S100A13: variants seen among roughly 807,000 people sequenced by gnomAD.
S100A13 encodes the protein S100 calcium binding protein A13, also known as protein S100-A13.
S100A13 carries 6 observed loss-of-function variants against 8.2 expected under a neutral mutation model. That is an observed-to-expected ratio of 0.73 (90% CI 0.40 to 1.44). S100A13 has a LOEUF of 1.44. S100A13 is among the 40% of genes most tolerant of loss of function. S100A13 has a pLI of 0.02. For synonymous variants in S100A13, 39 were observed against 45.9 expected, an observed-to-expected ratio of 0.85 and a Z score of 0.61; for missense variants, 114 against 113.6, an observed-to-expected ratio of 1.00 and a Z score of -0.02.
chr1:153,624,260 CTT>C (rs1667456544), intron 2 of S100A13, among the ~76,000 whole-genome samples: 1 of 152,096 alleles, frequency 6.6e-6, no homozygotes, highest in Non-Finnish European at 1.5e-5. Flanking sequence ...GAAGACAAAT[CTT>C]TTTGGAAATG....
chr1:153,630,416 G>A, upstream of S100A13: 1 of 1,465,680 alleles, frequency 6.8e-7, no homozygotes, highest in Non-Finnish European at 9.2e-7. Context: ...TATTTGAGCT[G>A]TCAGCCAGGG....
At chr1:153,621,204 T>C (rs1178092673) in intron 2 of S100A13, among the ~76,000 whole-genome samples, 1 of 150,940 alleles carries the variant, frequency 6.6e-6, no homozygotes, top group Non-Finnish European at 1.5e-5. Flanking sequence ...TCGCCCAGGC[T>C]GGCGTGCAGT....
intron 2 of S100A13, among the ~76,000 whole-genome samples, chr1:153,625,938 C>T (rs1434289661): frequency 6.6e-6 from 1 of 152,200 alleles, no homozygotes; most frequent in African/African-American, 2.4e-5. Context: ...GAGGCCGAGG[C>T]GGGTGGATCA....
chr1:153,623,436 A>T (rs1667408473), intron 2 of S100A13, among the ~76,000 whole-genome samples: 1 of 148,614 alleles, frequency 6.7e-6, no homozygotes, highest in Non-Finnish European at 1.5e-5. Context: ...CCCAGGCTGG[A>T]GTGCAGTGGT....
At chr1:153,622,905 G>A (rs28416529) in intron 2 of S100A13, among the ~76,000 whole-genome samples, 92,203 of 151,976 alleles carry the variant, frequency 0.61, 28,624 homozygotes, top group African/African-American at 0.73. Context: ...GCACGCACAC[G>A]TACAGAGGCC....
upstream of S100A13, chr1:153,631,762 A>G: frequency 3.7e-6 from 6 of 1,614,138 alleles, no homozygotes; most frequent in Non-Finnish European, 1.7e-6. Context: ...GGAGACGGGG[A>G]GGTGGACTTC....
At chr1:153,628,350 T>C (rs1667799840), upstream of S100A13, 1 of 1,535,894 alleles carries the variant, frequency 6.5e-7, no homozygotes, top group Non-Finnish European at 8.8e-7. Flanking sequence ...CCCCACAGGG[T>C]GTTCGTCTGT....
chr1:153,631,837 G>A, upstream of S100A13: 1 of 1,613,798 alleles, frequency 6.2e-7, no homozygotes, highest in Non-Finnish European at 8.5e-7. Flanking sequence ...TGGGAGAACA[G>A]TTGAGCAGAC....
At chr1:153,628,100 T>C, upstream of S100A13, 1 of 1,550,208 alleles carries the variant, frequency 6.5e-7, no homozygotes, top group Non-Finnish European at 8.7e-7. Flanking sequence ...TAAGACCCCC[T>C]CAGCAGAATT....
Position 153,626,319 on chromosome 1 carries a change from C to T in S100A13, c.153+1G>A. On this transcript the variant is annotated splice_donor_variant, in intron 2 of 2. Transcript: ENST00000476133. LOFTEE classifies it high-confidence loss of function. ...AATCTCAGTCCCAGACTTCTGCCTA[C>T]CTTGAGCAGATGGGGCAACTGCTGG... 1 of 1,613,910 alleles carries T rather than the reference C, an allele frequency of 6.2e-7. No homozygotes were observed. Among genetic ancestry groups the T allele is most frequent in the Non-Finnish European group, 8.5e-7 (1 of 1,179,792 alleles).
upstream of S100A13, among the ~76,000 whole-genome samples, chr1:153,633,520 A>T (rs1417258826): frequency 6.6e-6 from 1 of 152,008 alleles, no homozygotes; most frequent in African/African-American, 2.4e-5. Flanking sequence ...TGGGGAGGGG[A>T]GGAAGTGAGG....
rs375933713 is a variant in S100A13, at chr1:153,624,389, A to T, written c.153+1931T>A. On this transcript the variant is annotated intron_variant, in intron 2 of 2. Transcript: ENST00000476133. ...GAAGAAAACAGTGAGCCAGGAGCTG[A>T]AGAGCTGTAAGGAGCGCAATAAGAA... 1.1e-3 allele frequency among the ~76,000 whole-genome samples: 161 copies of T among 152,296 alleles called. 5 individuals carry two copies. In the South Asian group the frequency reaches 0.032, roughly 31 times the overall value.
rs1196485423 is a variant in S100A13 at position 153,618,914 on chromosome 1, A to C, written c.278T>G (p.Leu93Arg). The C allele has an allele frequency of 1.9e-6, 3 of 1,613,988 alleles. No homozygotes were observed. The highest frequency in any genetic ancestry group is 2.5e-6 in the Non-Finnish European group (3 of 1,179,982). Residue 93 changes from leucine to arginine, a missense_variant, in exon 3 of 3, where the codon CTG (leucine) becomes CGG (arginine). Coordinates refer to ENST00000476133, the MANE Select transcript of S100A13 (RefSeq NM_001024211.2). ...LAKEIRKKKD[L>R]KIRKK ...GCGGCTTTACTTCTTCCTGATCTTC[A>C]GGTCTTTCTTCTTCCTGATTTCCTT... is the stretch of plus-strand genomic sequence containing the variant.
At chr1:153,623,173 G>C (rs1423678345) in intron 2 of S100A13, among the ~76,000 whole-genome samples, 1 of 152,138 alleles carries the variant, frequency 6.6e-6, no homozygotes, top group African/African-American at 2.4e-5. Flanking sequence ...AGAAAGAGAG[G>C]AGTAATTTCA....
intron 2 of S100A13, among the ~76,000 whole-genome samples, chr1:153,620,618 T>C (rs1319228672): frequency 6.6e-6 from 1 of 152,168 alleles, no homozygotes; most frequent in Admixed American, 6.5e-5. Flanking sequence ...AAAACTTAAA[T>C]TTTGCCCCAT....
chr1:153,628,456 A>G (rs1437964780), upstream of S100A13: 4 of 1,550,592 alleles, frequency 2.6e-6, no homozygotes, highest in Non-Finnish European at 3.5e-6. Context: ...AACCTTGGCC[A>G]TCTGTCCAGA....
At chr1:153,623,658 C>T (rs138610048) in intron 2 of S100A13, among the ~76,000 whole-genome samples, 2 of 152,160 alleles carry the variant, frequency 1.3e-5, no homozygotes, top group South Asian at 2.1e-4. Flanking sequence ...AAAGGGAGAA[C>T]GTGGAAAGAT....
At chr1:153,632,788 C>T (rs775136673), upstream of S100A13, among the ~76,000 whole-genome samples, 135 of 152,210 alleles carry the variant, frequency 8.9e-4, no homozygotes, top group Non-Finnish European at 7.6e-4. Flanking sequence ...CTTGACGTGC[C>T]AGTGGAGCAG....
chr1:153,626,551 A>T lies in S100A13; in HGVS notation c.-61-18T>A. ...GGGCTGACCTGTGGAAGAGAGAAGG[A>T]GCAGAGAGGGAGAGTCAGGGAGCCC... is the stretch of plus-strand genomic sequence containing the variant. On this transcript the variant is annotated intron_variant, in intron 1 of 2. Transcript: ENST00000476133. The T allele has an allele frequency of 2.0e-6, 3 of 1,472,916 alleles. No homozygotes were observed. The highest frequency in any genetic ancestry group is 1.8e-5 in the Admixed American group (1 of 55,996). The allele number at this position is 1,472,916 out of a possible 1,614,324, so 91.2% of individuals were successfully genotyped here. A position where few individuals can be genotyped will look rare whatever the true frequency, so the allele number is the denominator to read the frequency against.
Sources: gnomAD v4.1 joint callset for allele counts (sites outside exome capture counted in the v4.1 genomes callset) on GRCh38, gnomAD v4.1.1 for gene constraint, MANE v1.5 for transcripts, NCBI Gene and HGNC (gene_info 2026-07-23, HGNC 2026-07-21) for gene names.